KYAT1: variants seen among roughly 807,000 people sequenced by gnomAD.
The protein encoded by KYAT1 is kynurenine aminotransferase 1.
In KYAT1, 47 loss-of-function variants were observed where a neutral mutation model predicts 52.4. The ratio of observed to expected loss-of-function variants is 0.90; its 90% CI spans 0.71 to 1.14. KYAT1 has a LOEUF of 1.14. KYAT1 is among the 50% of genes most tolerant of loss of function. KYAT1 has a pLI of 0.00. For synonymous variants in KYAT1, 212 were observed against 209.6 expected, an observed-to-expected ratio of 1.01 and a Z score of -0.10; for missense variants, 480 against 557.9, an observed-to-expected ratio of 0.86 and a Z score of 1.41.
intron 1 of KYAT1, among the ~76,000 whole-genome samples, chr9:128,874,957 T>C (rs1564503678): frequency 1.3e-5 from 2 of 152,036 alleles, no homozygotes; most frequent in Middle Eastern, 3.4e-3. Flanking sequence ...ACTCCTGACC[T>C]CAAGTGATCT....
chr9:128,861,982 T>A (rs1385786546), intron 1 of KYAT1, among the ~76,000 whole-genome samples: 3 of 152,196 alleles, frequency 2.0e-5, no homozygotes, highest in Non-Finnish European at 2.9e-5. Flanking sequence ...GAGCTGGATT[T>A]CACCCTACCG....
intron 3 of KYAT1, 62 bp from the exon 4 acceptor site, chr9:128,838,429 T>C (rs1319590492): frequency 6.2e-7 from 1 of 1,601,640 alleles, no homozygotes; most frequent in East Asian, 2.2e-5. Flanking sequence ...GGCCCAGCTG[T>C]ATCCAGGCAA....
chr9:128,863,064 T>C (rs1278048959), intron 1 of KYAT1, among the ~76,000 whole-genome samples: 4 of 151,906 alleles, frequency 2.6e-5, no homozygotes, highest in Admixed American at 2.6e-4. Flanking sequence ...CCTGACCTCA[T>C]GATCCGCCCG....
intron 1 of KYAT1, among the ~76,000 whole-genome samples, chr9:128,853,958 A>T (rs1402545804): frequency 6.6e-6 from 1 of 152,250 alleles, no homozygotes; most frequent in Non-Finnish European, 1.5e-5. Context: ...ATACTTATTC[A>T]CATTTCATAT....
chr9:128,870,267 A>G (rs182461976), intron 1 of KYAT1, among the ~76,000 whole-genome samples: 1 of 152,320 alleles, frequency 6.6e-6, no homozygotes, highest in Non-Finnish European at 1.5e-5. Flanking sequence ...AAATTGTAAC[A>G]TATCTGTACC....
chr9:128,859,058 C>T (rs1295274338), intron 1 of KYAT1, among the ~76,000 whole-genome samples: 1 of 151,298 alleles, frequency 6.6e-6, no homozygotes, highest in East Asian at 2.0e-4. Flanking sequence ...AATGCTCTGG[C>T]ATACTTAAAA....
chr9:128,853,231 A>G (rs1056017636), intron 1 of KYAT1, among the ~76,000 whole-genome samples: 1 of 152,212 alleles, frequency 6.6e-6, no homozygotes, highest in Non-Finnish European at 1.5e-5. Context: ...GGAATTATTG[A>G]CAATCATTAC....
chr9:128,834,659 A>G (rs1192921985), intron 11 of KYAT1, among the ~76,000 whole-genome samples: 1 of 151,598 alleles, frequency 6.6e-6, no homozygotes, highest in Non-Finnish European at 1.5e-5. Flanking sequence ...CCCCGTCTCT[A>G]CTAAAAATAC....
intron 1 of KYAT1, among the ~76,000 whole-genome samples, chr9:128,866,113 C>A (rs1457588300): frequency 6.6e-6 from 1 of 152,138 alleles, no homozygotes; most frequent in Non-Finnish European, 1.5e-5. Flanking sequence ...AGCTAGCCAC[C>A]ATGTATACAA....
intron 1 of KYAT1, among the ~76,000 whole-genome samples, chr9:128,847,032 T>C (rs1163097990): frequency 6.6e-6 from 1 of 152,172 alleles, no homozygotes; most frequent in Non-Finnish European, 1.5e-5. Context: ...GGCAAGGACC[T>C]GGTCAGGGTG....
chr9:128,861,293 C>T (rs1588126595), intron 1 of KYAT1, among the ~76,000 whole-genome samples: 1 of 152,220 alleles, frequency 6.6e-6, no homozygotes, highest in East Asian at 1.9e-4. Flanking sequence ...GGGGCAGTTA[C>T]CCCCATGCTG....
chr9:128,845,961 G>A (rs962026664), intron 1 of KYAT1, among the ~76,000 whole-genome samples: 11 of 152,204 alleles, frequency 7.2e-5, no homozygotes, highest in Non-Finnish European at 1.2e-4. Context: ...ATGTGTTTAA[G>A]GCCACACAAC....
At chr9:128,874,986 A>G (rs997674881) in intron 1 of KYAT1, among the ~76,000 whole-genome samples, 5 of 151,924 alleles carry the variant, frequency 3.3e-5, no homozygotes, top group Non-Finnish European at 7.4e-5. Flanking sequence ...CGGCCTCCCA[A>G]AGTGCTGGGA....
intron 11 of KYAT1, among the ~76,000 whole-genome samples, chr9:128,834,649 C>G (rs564409552): frequency 6.6e-6 from 1 of 151,600 alleles, no homozygotes; most frequent in Admixed American, 6.6e-5. Context: ...CATGGTGAAA[C>G]CCCGTCTCTA....
Position 128,835,001 on chromosome 9 carries a change from A to G in KYAT1, c.1122+322T>C, listed in dbSNP as rs375620843. Among the ~76,000 whole-genome samples, 45 of 151,762 alleles carry G rather than the reference A, an allele frequency of 3.0e-4. No homozygotes were observed. In the East Asian group the frequency reaches 7.6e-3, roughly 26 times the overall value. ...AATACAAAAAAAATTAGCCGGGCAA[A>G]AAAAAGTAGCCTGTGGTCCCAGCTA... On this transcript the variant is annotated intron_variant, in intron 11 of 12. Coordinates refer to ENST00000302586, the MANE Select transcript of KYAT1 (RefSeq NM_004059.5).
intron 11 of KYAT1, 148 bp downstream of exon 11, chr9:128,835,175 T>C: frequency 2.8e-6 from 2 of 711,462 alleles, no homozygotes; most frequent in Admixed American, 2.2e-5. Context: ...AACAGCCTCC[T>C]CATTCTCTGA....
intron 1 of KYAT1, among the ~76,000 whole-genome samples, chr9:128,854,293 A>T (rs1885638): frequency 2.0e-5 from 3 of 152,242 alleles, no homozygotes; most frequent in Non-Finnish European, 4.4e-5. Context: ...AATTTTTTTA[A>T]CATTTATAGA....
At chr9:128,849,883 C>CTTTTTTTTT (rs537211110) in intron 1 of KYAT1, among the ~76,000 whole-genome samples, 1 of 91,962 alleles carries the variant, frequency 1.1e-5, no homozygotes, top group Non-Finnish European at 1.9e-5. Flanking sequence ...TTATTTTCTT[C>CTTTTTTTTT]TTTTTTTTTT....
intron 3 of KYAT1, among the ~76,000 whole-genome samples, chr9:128,839,756 A>G (rs1831805340): frequency 6.6e-6 from 1 of 152,266 alleles, no homozygotes; most frequent in East Asian, 1.9e-4. Flanking sequence ...AATTTTCTGT[A>G]CAACAAGAGG....
Sources: allele counts gnomAD v4.1 joint callset (sites outside exome capture counted in the v4.1 genomes callset), GRCh38; gene constraint gnomAD v4.1.1; transcripts MANE v1.5; gene names NCBI Gene and HGNC (gene_info 2026-07-23, HGNC 2026-07-21).